The following CCDC60 variants were observed in gnomAD, a reference collection of about 807,000 sequenced individuals.
CCDC60 encodes coiled-coil domain-containing protein 60.
A neutral mutation model predicts 63.5 loss-of-function variants in CCDC60; 54 were observed. The ratio of observed to expected loss-of-function variants is 0.85; its 90% confidence interval spans 0.68 to 1.07. The LOEUF (loss-of-function observed/expected upper bound fraction) is 1.07. Ranked by LOEUF, CCDC60 falls within the 50% of genes least tolerant of loss-of-function variation. The pLI, the probability that CCDC60 is intolerant of heterozygous loss-of-function variation, is 0.00. For synonymous variants in CCDC60, 206 were observed against 238.8 expected (o/e 0.86, Z 1.27); for missense variants, 651 against 684.3 (o/e 0.95, Z 0.54).
chr12:119,357,009 T>C (rs1412176950), intron 1 of CCDC60, among the ~76,000 whole-genome samples: 1 of 152,206 alleles, frequency 6.6e-6, no homozygotes, highest in Admixed American at 6.5e-5. Flanking sequence ...AAAATCAAGA[T>C]ACAGACCATT....
Position 119,505,137 on chromosome 12 carries a change from C to T in CCDC60, c.717C>T (p.Leu239=). 4.3e-6 allele frequency: 7 copies of T among 1,613,972 alleles called. No homozygotes were observed. Among genetic ancestry groups the T allele is most frequent in the Non-Finnish European group, 5.9e-6 (7 of 1,179,910 alleles). ...AACCAAGCCGGCGAGGCTCCACACTCAGTCTGAGTCGGGCCAGTGGGGGGT... is the reference window on the plus strand; with the variant it reads ...AACCAAGCCGGCGAGGCTCCACACTTAGTCTGAGTCGGGCCAGTGGGGGGT... ...NRKPSRRGST[L]SLSRASGGSS... Residue 239 remains leucine, a synonymous_variant, in exon 7 of 14, where the codon CTC becomes CTT. Coordinates refer to ENST00000327554, the MANE Select transcript of CCDC60 (RefSeq NM_178499.5).
At chr12:119,390,661 A>G (rs1248097912) in intron 1 of CCDC60, among the ~76,000 whole-genome samples, 1 of 152,192 alleles carries the variant, frequency 6.6e-6, no homozygotes, top group African/African-American at 2.4e-5. Flanking sequence ...ATCTGCAAGG[A>G]ATCACTTGGA....
chr12:119,440,582 C>T (rs1397228528), intron 2 of CCDC60, among the ~76,000 whole-genome samples: 1 of 151,994 alleles, frequency 6.6e-6, no homozygotes, highest in African/African-American at 2.4e-5. Flanking sequence ...ATATAAAATC[C>T]ATTGACATTT....
chr12:119,499,161 A>G (rs1951786234), intron 5 of CCDC60, among the ~76,000 whole-genome samples: 1 of 152,162 alleles, frequency 6.6e-6, no homozygotes, highest in African/African-American at 2.4e-5. Context: ...AAATGCCAAA[A>G]TTATTAATTT....
chr12:119,440,253 G>A (rs748333315), intron 2 of CCDC60, among the ~76,000 whole-genome samples: 1 of 152,082 alleles, frequency 6.6e-6, no homozygotes, highest in African/African-American at 2.4e-5. Flanking sequence ...AAATCCGACC[G>A]GGCACGGTGG....
intron 2 of CCDC60, among the ~76,000 whole-genome samples, chr12:119,451,741 A>G (rs1316200198): frequency 6.6e-6 from 1 of 152,200 alleles, no homozygotes; most frequent in East Asian, 1.9e-4. Flanking sequence ...AGATATCAGG[A>G]AGGAAGGAAT....
intron 13 of CCDC60, among the ~76,000 whole-genome samples, chr12:119,534,433 C>T (rs1218286050): frequency 6.6e-6 from 1 of 152,158 alleles, no homozygotes; most frequent in East Asian, 1.9e-4. Flanking sequence ...ATTGACCTGG[C>T]CAGAACTTCC....
At chr12:119,435,169 C>T (rs1036671559) in intron 2 of CCDC60, among the ~76,000 whole-genome samples, 2 of 152,144 alleles carry the variant, frequency 1.3e-5, no homozygotes, top group African/African-American at 2.4e-5. Context: ...CTCACACTAG[C>T]ATGTGAGCGA....
chr12:119,346,832 C>CTT (rs71451838), intron 1 of CCDC60, among the ~76,000 whole-genome samples: 3 of 91,110 alleles, frequency 3.3e-5, no homozygotes, highest in Non-Finnish European at 4.8e-5. Flanking sequence ...TTCTTTCTTT[C>CTT]TTTTTTTTTT....
intron 1 of CCDC60, among the ~76,000 whole-genome samples, chr12:119,338,755 G>T (rs1031623244): frequency 3.9e-5 from 6 of 152,198 alleles, no homozygotes; most frequent in Non-Finnish European, 7.3e-5. Context: ...AGGCGGCCCG[G>T]TAAGTGTCTA....
rs1235439900 is a variant in CCDC60, at chr12:119,360,269, G to A, written c.90+25003G>A. Among the ~76,000 whole-genome samples the A allele has an allele frequency of 4.2e-3, 627 of 149,472 alleles. 3 individuals carry two copies. The highest frequency in any genetic ancestry group is 0.015 in the African/African-American group (590 of 40,540). On this transcript the variant is annotated intron_variant, in intron 1 of 13. Transcript: ENST00000327554. Reference sequence around the variant, plus strand: ...CAGAGGCGCCCCTCACCTCCCGGACGGGGCGGCTGGCCGGGCAGGGGGCTG... The same window carrying A: ...CAGAGGCGCCCCTCACCTCCCGGACAGGGCGGCTGGCCGGGCAGGGGGCTG...
rs1473737321 is a variant in CCDC60, at chr12:119,441,364, G to T, written c.170+12602G>T. Among the ~76,000 whole-genome samples the T allele has an allele frequency of 2.0e-5, 3 of 152,166 alleles. No individual in the cohort carries two copies. The South Asian group carries it at 6.2e-4, about 31-fold the overall frequency. On this transcript the variant is annotated intron_variant, in intron 2 of 13. Coordinates refer to ENST00000327554, the MANE Select transcript of CCDC60 (RefSeq NM_178499.5). ...TCACCACTTAGAGTGGACACTACAC[G>T]CAATAAGCTCTATAATTTTTTTGAA... is the stretch of plus-strand genomic sequence containing the variant.
intron 11 of CCDC60, among the ~76,000 whole-genome samples, chr12:119,528,309 T>C (rs1460334476): frequency 2.0e-5 from 3 of 152,014 alleles, no homozygotes; most frequent in South Asian, 2.1e-4. Context: ...CTCTGGAAAA[T>C]AGGAATCATT....
Position 119,528,703 on chromosome 12 carries a change from A to G in CCDC60, c.1318A>G (p.Ile440Val), listed in dbSNP as rs372640752. 8.7e-6 allele frequency: 14 copies of G among 1,614,000 alleles called. No homozygotes were observed. Among genetic ancestry groups the G allele is most frequent in the South Asian group, 1.1e-5 (1 of 91,056 alleles). ...GGACATAGCAAAAATGAGACATCAC[A>G]TATCTGTAGTAAAAGGAGATGCAGA... ...QKDIAKMRHHISVVKGDAEEI... is the reference protein window; with the variant it reads ...QKDIAKMRHHVSVVKGDAEEI... Residue 440 changes from isoleucine to valine, a missense_variant, in exon 12 of 14, where the codon ATA becomes GTA. Ile to Val is a conservative substitution (Grantham distance 29, BLOSUM62 3). Transcript: ENST00000327554.
At chr12:119,428,600 A>C (rs1956940979) in intron 1 of CCDC60, 83 bp from the exon 2 acceptor site, 2 of 906,958 alleles carry the variant, frequency 2.2e-6, no homozygotes, top group African/African-American at 3.3e-5. Flanking sequence ...TCTCAGAGAA[A>C]CCCATGAGCC....
At chr12:119,402,597 T>G (rs1345661599) in intron 1 of CCDC60, among the ~76,000 whole-genome samples, 1 of 152,162 alleles carries the variant, frequency 6.6e-6, no homozygotes, top group Non-Finnish European at 1.5e-5. Flanking sequence ...CAAAATATAT[T>G]GCAAGGGTAA....
chr12:119,481,967 A>ATATATATAGTATATATATGTATATATATG (rs1566033693), intron 4 of CCDC60, among the ~76,000 whole-genome samples: 4 of 125,910 alleles, frequency 3.2e-5, no homozygotes, highest in African/African-American at 1.4e-4. Context: ...ATTCCATCAT[A>ATATATATAGTATATATATGTATATATATG]TATATATAGT....
chr12:119,458,865 G>GC (rs1950799133), intron 2 of CCDC60, among the ~76,000 whole-genome samples: 1 of 152,002 alleles, frequency 6.6e-6, no homozygotes. Flanking sequence ...TCTTGCCTCA[G>GC]CCCCCCGAGT....
chr12:119,495,794 G>T (rs1315622666), intron 5 of CCDC60, among the ~76,000 whole-genome samples: 22 of 152,182 alleles, frequency 1.4e-4, no homozygotes, highest in Non-Finnish European at 1.5e-5. Flanking sequence ...CCAGCTCTCA[G>T]GAGCTTCCAT....
Sources: gnomAD v4.1 joint callset for allele counts (sites outside exome capture counted in the v4.1 genomes callset) on GRCh38, gnomAD v4.1.1 for gene constraint, MANE v1.5 for transcripts, NCBI Gene and HGNC (gene_info 2026-07-23, HGNC 2026-07-21) for gene names.